NDST4: variants seen among roughly 807,000 people sequenced by gnomAD.
The protein encoded by NDST4 is N-deacetylase and N-sulfotransferase 4.
In NDST4, 63 loss-of-function variants were observed where a neutral mutation model predicts 100.8. The observed-to-expected ratio is 0.62, with a 90% CI of 0.51 to 0.77. The LOEUF is 0.77. Ranked by LOEUF, NDST4 falls within the 30% of genes least tolerant of loss-of-function variation. The pLI, the probability that NDST4 is intolerant of heterozygous loss-of-function variation, is 0.00. For synonymous variants in NDST4, 377 were observed against 361.8 expected, an observed-to-expected ratio of 1.04 and a Z score of -0.48; for missense variants, 943 against 1,018.4, an observed-to-expected ratio of 0.93 and a Z score of 1.01.
At chr4:115,071,734 C>T (rs1445032504) in intron 2 of NDST4, among the ~76,000 whole-genome samples, 2 of 150,756 alleles carry the variant, frequency 1.3e-5, no homozygotes, top group Non-Finnish European at 3.0e-5. Flanking sequence ...TAATGTTGTA[C>T]TACCAGAAAA....
intron 2 of NDST4, among the ~76,000 whole-genome samples, chr4:115,048,391 T>C (rs1173071701): frequency 1.3e-5 from 2 of 152,180 alleles, no homozygotes; most frequent in Non-Finnish European, 2.9e-5. Flanking sequence ...CATGAAAATA[T>C]ACACTTATTG....
intron 6 of NDST4, among the ~76,000 whole-genome samples, chr4:114,893,322 T>G (rs902402585): frequency 1.3e-5 from 2 of 152,186 alleles, no homozygotes; most frequent in Non-Finnish European, 1.5e-5. Context: ...ATCGCCATAC[T>G]GTCTTCCACA....
intron 7 of NDST4, among the ~76,000 whole-genome samples, chr4:114,860,902 A>G (rs1723905489): frequency 6.6e-6 from 1 of 152,230 alleles, no homozygotes; most frequent in Non-Finnish European, 1.5e-5. Context: ...AAGGAAAGCA[A>G]CTGGTATGCT....
chr4:114,851,472 T>C (rs1266253642), intron 8 of NDST4, among the ~76,000 whole-genome samples: 2 of 152,196 alleles, frequency 1.3e-5, no homozygotes, highest in African/African-American at 4.8e-5. Context: ...TCTAAACGTA[T>C]AGCTTAATGT....
intron 2 of NDST4, among the ~76,000 whole-genome samples, chr4:115,053,091 T>C (rs915933751): frequency 8.5e-5 from 13 of 152,256 alleles, no homozygotes; most frequent in East Asian, 7.7e-4. Flanking sequence ...TATCAATAAA[T>C]GGAAGCACCA....
chr4:114,918,330 C>T (rs1725217107), intron 6 of NDST4, among the ~76,000 whole-genome samples: 1 of 139,944 alleles, frequency 7.1e-6, no homozygotes, highest in African/African-American at 2.7e-5. Context: ...AAAAGTGTGT[C>T]AGGACTTCCC....
Position 115,107,660 on chromosome 4 carries a change from C to T in NDST4, c.-247+5784G>A, listed in dbSNP as rs1470885100. Among the ~76,000 whole-genome samples the T allele has an allele frequency of 3.3e-5, 5 of 151,962 alleles. No individual in the cohort carries two copies. In the South Asian group the frequency reaches 6.2e-4, roughly 19 times the overall value. The stretch of plus-strand genomic sequence containing the variant: ...GCACTCACAGGCACTACTGTGGGGT[C>T]TTTATTTATTTACTGTCAGTTTTCT... On this transcript the variant is annotated intron_variant, in intron 1 of 13. Transcript: ENST00000264363.
intron 6 of NDST4, among the ~76,000 whole-genome samples, chr4:114,926,658 A>G (rs1393992838): frequency 1.3e-5 from 2 of 152,118 alleles, no homozygotes; most frequent in Admixed American, 1.3e-4. Flanking sequence ...AATAATGTGA[A>G]TCCTCAAACT....
intron 2 of NDST4, among the ~76,000 whole-genome samples, chr4:115,002,071 A>G (rs188068009): frequency 1.5e-3 from 224 of 152,230 alleles, no homozygotes; most frequent in African/African-American, 5.1e-3. Flanking sequence ...AAAAGGAGTA[A>G]TATAAAATGG....
intron 6 of NDST4, among the ~76,000 whole-genome samples, chr4:114,902,847 C>G (rs1578377530): frequency 6.6e-6 from 1 of 152,052 alleles, no homozygotes; most frequent in African/African-American, 2.4e-5. Context: ...TGCATCCAAG[C>G]TACTCATGAG....
intron 6 of NDST4, among the ~76,000 whole-genome samples, chr4:114,876,172 C>T (rs543191339): frequency 4.7e-4 from 72 of 152,214 alleles, no homozygotes; most frequent in South Asian, 3.1e-3. Context: ...TTTGTGCTCA[C>T]GCTGCAGCAC....
At chr4:114,863,095 T>C (rs1444035912) in intron 7 of NDST4, among the ~76,000 whole-genome samples, 1 of 152,194 alleles carries the variant, frequency 6.6e-6, no homozygotes, top group African/African-American at 2.4e-5. Context: ...TCTGAACATG[T>C]TTGTTCAGAC....
intron 1 of NDST4, among the ~76,000 whole-genome samples, chr4:115,099,578 G>A (rs187049087): frequency 6.6e-6 from 1 of 152,144 alleles, no homozygotes; most frequent in East Asian, 1.9e-4. Context: ...CACATCATAT[G>A]GTACTGGGGA....
chr4:115,032,129 C>T (rs1233916945), intron 2 of NDST4, among the ~76,000 whole-genome samples: 2 of 152,038 alleles, frequency 1.3e-5, no homozygotes, highest in Admixed American at 1.3e-4. Context: ...TTTGCAGAAA[C>T]AAATCACATT....
intron 2 of NDST4, among the ~76,000 whole-genome samples, chr4:115,029,980 T>C (rs560936900): frequency 2.0e-5 from 3 of 152,242 alleles, no homozygotes; most frequent in Non-Finnish European, 2.9e-5. Context: ...GTATGCTTAG[T>C]TAAATTATTT....
At chr4:115,052,793 TCA>T (rs924688323) in intron 2 of NDST4, among the ~76,000 whole-genome samples, 1 of 152,088 alleles carries the variant, frequency 6.6e-6, no homozygotes, top group African/African-American at 2.4e-5. Flanking sequence ...CAACAAATAT[TCA>T]GTTAATTCTA....
At chr4:115,031,308 T>C (rs930740147) in intron 2 of NDST4, among the ~76,000 whole-genome samples, 2 of 152,026 alleles carry the variant, frequency 1.3e-5, no homozygotes, top group African/African-American at 4.8e-5. Flanking sequence ...GTTCAGAGGA[T>C]AGATGAGTGG....
intron 2 of NDST4, among the ~76,000 whole-genome samples, chr4:115,065,729 A>C (rs1265357349): frequency 6.6e-6 from 1 of 151,952 alleles, no homozygotes; most frequent in Non-Finnish European, 1.5e-5. Context: ...ATCCTGAGTG[A>C]CTCCAGTGGT....
chr4:114,977,415 C>A, intron 2 of NDST4, 141 bp from the exon 3 acceptor site: 3 of 468,952 alleles, frequency 6.4e-6, no homozygotes, highest in Non-Finnish European at 1.1e-5. Flanking sequence ...ATGTAGTATT[C>A]GTATTTCAGG....
Sources: gnomAD v4.1 joint callset for allele counts (sites outside exome capture counted in the v4.1 genomes callset) on GRCh38, gnomAD v4.1.1 for gene constraint, MANE v1.5 for transcripts, NCBI Gene and HGNC (gene_info 2026-07-23, HGNC 2026-07-21) for gene names.